Variants in CWC25 observed in about 807,000 individuals in gnomAD.
CWC25 encodes CWC25 spliceosome associated protein, also known as pre-mRNA-splicing factor CWC25 homolog.
Under a neutral mutation model 54.6 loss-of-function variants are expected in CWC25, and 31 were observed. That is an observed-to-expected ratio of 0.57 (90% CI 0.43 to 0.77). The LOEUF is 0.77. Ranked by LOEUF, CWC25 falls within the 30% of genes least tolerant of loss-of-function variation. The pLI is 0.00. For synonymous variants in CWC25, 151 were observed against 187.0 expected (o/e 0.81, Z 1.57); for missense variants, 453 against 529.3 (o/e 0.86, Z 1.41).
Position 38,825,255 on chromosome 17 carries a change from T to C in CWC25, c.-72A>G. ...AGGATCAAGAGAAAACGTAGAGAAA[T>C]AGTTCGGGGGCTACCTCGCGGGATC... is the stretch of plus-strand genomic sequence containing the variant. On this transcript the variant is annotated 5_prime_UTR_variant, in exon 1 of 10. Coordinates refer to ENST00000614790, the MANE Select transcript of CWC25 (RefSeq NM_017748.5). The C allele has an allele frequency of 1.3e-6, 2 of 1,498,218 alleles. No individual in the cohort carries two copies. Among genetic ancestry groups the C allele is most frequent in the South Asian group, 1.2e-5 (1 of 80,638 alleles). The allele number at this position is 1,498,218 out of a possible 1,614,324, so 92.8% of individuals were successfully genotyped here.
chr17:38,817,212 C>T (rs983781890), intron 2 of CWC25, among the ~76,000 whole-genome samples: 4 of 150,908 alleles, frequency 2.7e-5, no homozygotes, highest in Admixed American at 6.6e-5. Context: ...TGGTGGTACA[C>T]GCCTGTAGTC....
At position 38,800,923 on chromosome 17, in the gene CWC25, A is replaced by G. The variant is rs1230821945; in HGVS notation, c.*1169T>C. On this transcript the variant is annotated 3_prime_UTR_variant, in exon 10 of 10. Transcript: ENST00000614790. Reference sequence around the variant, plus strand: ...CTCAGCCTCCCGAGTAGCTGGGACTACAGGCGCCCGCCACCACGCCCGGCT... The same window carrying G: ...CTCAGCCTCCCGAGTAGCTGGGACTGCAGGCGCCCGCCACCACGCCCGGCT... The G allele has an allele frequency of 4.6e-5, 7 of 151,974 alleles. No homozygotes were observed. Among genetic ancestry groups the G allele is most frequent in the African/African-American group, 1.7e-4 (7 of 41,388 alleles). 9.4% of individuals were successfully genotyped at this position (151,974 alleles called of 1,614,324 possible).
chr17:38,818,304 A>G (rs1354635846), intron 2 of CWC25, among the ~76,000 whole-genome samples: 2 of 151,504 alleles, frequency 1.3e-5, no homozygotes, highest in African/African-American at 2.4e-5. Flanking sequence ...AATAACAAAA[A>G]TAAAACCAGC....
At chr17:38,813,477 AAAAT>A (rs1257523627) in intron 3 of CWC25, among the ~76,000 whole-genome samples, 1 of 151,860 alleles carries the variant, frequency 6.6e-6, no homozygotes, top group Non-Finnish European at 1.5e-5. Context: ...TGTCTCAAAA[AAAAT>A]AAATAAATAA....
intron 1 of CWC25, among the ~76,000 whole-genome samples, chr17:38,824,512 C>G (rs894032007): frequency 6.6e-6 from 1 of 151,888 alleles, no homozygotes; most frequent in Admixed American, 6.6e-5. Flanking sequence ...CATGGAGAAA[C>G]CCTGTCTCTA....
At position 38,825,197 on chromosome 17, in the gene CWC25, A is replaced by G; in HGVS notation, c.-14T>C. ...TCCGCCCCCCATGACGGTGGAGACG[A>G]TTCCTCACTACGCGGATCTGGAAGA... On this transcript the variant is annotated 5_prime_UTR_variant, in exon 1 of 10. Transcript: ENST00000614790. 1 of 1,590,248 alleles carries G rather than the reference A, an allele frequency of 6.3e-7. No individual in the cohort carries two copies. Among genetic ancestry groups the G allele is most frequent in the Non-Finnish European group, 8.6e-7 (1 of 1,169,176 alleles).
Position 38,825,305 on chromosome 17 carries a change from A to G in CWC25, c.-122T>C. On this transcript the variant is annotated 5_prime_UTR_variant, in exon 1 of 10. Transcript: ENST00000614790. Reference sequence around the variant, plus strand: ...CTAGTCCCAGGAGCCGTCAACTGCCAGTTTCACCACCGCTCTAGAGGTCAC... The same window carrying G: ...CTAGTCCCAGGAGCCGTCAACTGCCGGTTTCACCACCGCTCTAGAGGTCAC... 9.7e-7 allele frequency: 1 copy of G among 1,034,190 alleles called. No homozygotes were observed. The highest frequency in any genetic ancestry group is 1.6e-5 in the African/African-American group (1 of 61,550). The allele number at this position is 1,034,190 out of a possible 1,614,324, so 64.1% of individuals were successfully genotyped here.
intron 2 of CWC25, chr17:38,815,709 GTCT>G: frequency 1.6e-6 from 2 of 1,275,124 alleles, no homozygotes; most frequent in Non-Finnish European, 2.0e-6. Context: ...CCTTTACAGA[GTCT>G]TTATATTATG....
At chr17:38,812,770 G>T in intron 4 of CWC25, 25 bp downstream of exon 4, 2 of 1,293,606 alleles carry the variant, frequency 1.5e-6, no homozygotes, top group Non-Finnish European at 2.2e-6. Context: ...AGATGCTCTT[G>T]GTGCTTATCT....
intron 6 of CWC25, 99 bp from the exon 7 acceptor site, chr17:38,807,075 A>T: frequency 3.3e-6 from 3 of 907,214 alleles, no homozygotes; most frequent in Non-Finnish European, 5.0e-6. Context: ...TAATCCCAGC[A>T]CTTTGGGAGG....
At position 38,814,982 on chromosome 17, in the gene CWC25, TCTC is replaced by T. The variant is rs1459898022; in HGVS notation, c.304_306del (p.Glu102del). ...GTTTCAGAAGAGCAGCCTGCCTCCT[TCTC>T]CTCCATCTTCTCAAAAACATATTTG... On this transcript the variant is annotated inframe_deletion, in exon 3 of 10. Coordinates refer to ENST00000614790, the MANE Select transcript of CWC25 (RefSeq NM_017748.5). 11 of 1,613,558 alleles carry T rather than the reference TCTC, an allele frequency of 6.8e-6. No homozygotes were observed. Among genetic ancestry groups the T allele is most frequent in the Non-Finnish European group, 9.3e-6 (11 of 1,179,840 alleles).
At position 38,815,752 on chromosome 17, in the gene CWC25, G is replaced by A. The variant is rs762441982; in HGVS notation, c.192-655C>T. 2.8e-6 allele frequency: 3 copies of A among 1,090,080 alleles called. No individual in the cohort carries two copies. In the South Asian group the frequency reaches 4.2e-5, roughly 15 times the overall value. 67.5% of individuals were successfully genotyped at this position (1,090,080 alleles called of 1,614,324 possible). A position where few individuals can be genotyped will look rare whatever the true frequency, so the allele number is the denominator to read the frequency against. On this transcript the variant is annotated intron_variant, in intron 2 of 9. Transcript: ENST00000614790. ...CATTTCCAAGATGACCTAAAACAAT[G>A]AATAAGCACATTCTACATCACCATC...
intron 2 of CWC25, 41 bp downstream of exon 2, chr17:38,820,860 C>A: frequency 1.9e-6 from 3 of 1,583,214 alleles, no homozygotes; most frequent in Non-Finnish European, 1.7e-6. Flanking sequence ...GACAGCTCTG[C>A]AATTCCCTAC....
chr17:38,816,004 C>G (rs1220852575), intron 2 of CWC25, among the ~76,000 whole-genome samples: 1 of 152,144 alleles, frequency 6.6e-6, no homozygotes, highest in East Asian at 1.9e-4. Context: ...AAACCCTGGT[C>G]TCAGCCATCT....
chr17:38,820,932 G>C lies in CWC25; in HGVS notation c.160C>G (p.Gln54Glu), dbSNP rs1911897699. 8.7e-6 allele frequency: 14 copies of C among 1,613,658 alleles called. No homozygotes were observed. The highest frequency in any genetic ancestry group is 1.3e-5 in the African/African-American group (1 of 74,918). The change falls in exon 2 of 10, where the codon CAG becomes GAG. Residue 54 changes from glutamine (Q) to glutamate (E), a missense_variant. Gln to Glu is a conservative substitution (Grantham distance 29). This residue lies in a region of CWC25 where 444 missense variants were observed against 499.2 expected (regional missense o/e 0.89). Coordinates refer to ENST00000614790, the MANE Select transcript of CWC25 (RefSeq NM_017748.5). ...LREERAREEM[Q>E]RYAEDVGAVK... ...GCCCCAACATCCTCCGCATAGCGCT[G>C]CATCTCTTCCCGGGCTCTCTCTTCT...
chr17:38,824,983 T>C (rs1470924095), intron 1 of CWC25, among the ~76,000 whole-genome samples, 183 bp downstream of exon 1: 1 of 152,066 alleles, frequency 6.6e-6, no homozygotes, highest in East Asian at 1.9e-4. Flanking sequence ...CCTCGGACTT[T>C]CCCAAATCTC....
chr17:38,821,017 C>T lies in CWC25; in HGVS notation c.75G>A (p.Lys25=). The change falls in exon 2 of 10, where the codon AAG becomes AAA. Residue 25 remains lysine, a synonymous_variant. Coordinates refer to ENST00000614790, the MANE Select transcript of CWC25 (RefSeq NM_017748.5). ...QTLRNVEKVW[K]AEQKHEAERK... Reference sequence around the variant, plus strand: ...GCTCAGCCTCATGCTTCTGCTCGGCCTTCCACACTTTCTCCACATTCCTGA... The same window carrying T: ...GCTCAGCCTCATGCTTCTGCTCGGCTTTCCACACTTTCTCCACATTCCTGA... 6.2e-7 allele frequency: 1 copy of T among 1,613,966 alleles called. No individual in the cohort carries two copies. Among genetic ancestry groups the T allele is most frequent in the South Asian group, 1.1e-5 (1 of 91,086 alleles).
chr17:38,809,533 A>G (rs1399145762), intron 6 of CWC25, among the ~76,000 whole-genome samples, 169 bp downstream of exon 6: 1 of 152,056 alleles, frequency 6.6e-6, no homozygotes, highest in Non-Finnish European at 1.5e-5. Context: ...TTGGTGGTTT[A>G]GTCTCTCTGC....
At chr17:38,812,940 T>C (rs868377873) in intron 3 of CWC25, 76 bp from the exon 4 acceptor site, 4 of 820,914 alleles carry the variant, frequency 4.9e-6, no homozygotes, top group African/African-American at 3.4e-5. Flanking sequence ...TCTCCAAACA[T>C]ATACAGACAA....
Sources: allele counts gnomAD v4.1 joint callset (sites outside exome capture counted in the v4.1 genomes callset), GRCh38; gene constraint gnomAD v4.1.1; regional missense constraint gnomAD v4.1.1; transcripts MANE v1.5; gene names NCBI Gene and HGNC (gene_info 2026-07-23, HGNC 2026-07-21).